The following PARD3B variants were observed in gnomAD, a reference collection of about 807,000 sequenced individuals.
The protein encoded by PARD3B is par-3 family cell polarity regulator beta.
A neutral mutation model predicts 130.2 loss-of-function variants in PARD3B; 103 were observed. That is an observed-to-expected ratio of 0.79 (90% CI 0.67 to 0.93). The LOEUF (loss-of-function observed/expected upper bound fraction) is 0.93, where lower values mean the gene tolerates loss of function less well. Ranked by LOEUF, PARD3B falls within the 40% of genes least tolerant of loss-of-function variation. PARD3B has a pLI of 0.00. For missense variants in PARD3B, 1,609 were observed against 1,499.2 expected (o/e 1.07, Z -1.21); for synonymous variants, 583 against 553.2 (o/e 1.05, Z -0.76).
intron 11 of PARD3B, among the ~76,000 whole-genome samples, chr2:205,161,246 C>T (rs553297499): frequency 6.6e-6 from 1 of 152,266 alleles, no homozygotes; most frequent in East Asian, 1.9e-4. Flanking sequence ...CATCTCCTTA[C>T]CTAAGCAGTT....
intron 18 of PARD3B, among the ~76,000 whole-genome samples, chr2:205,368,787 T>G (rs148533256): frequency 2.2e-3 from 330 of 152,218 alleles, no homozygotes; most frequent in African/African-American, 3.4e-3. Context: ...AGGCATGTCG[T>G]GTCCTCAGGC....
rs546267959 is a variant in PARD3B, at chr2:204,548,140, G to A, written c.120+2021G>A. Among the ~76,000 whole-genome samples, 15 of 151,970 alleles carry A rather than the reference G, an allele frequency of 9.9e-5. No individual in the cohort carries two copies. The South Asian group carries it at 2.5e-3, about 25-fold the overall frequency. On this transcript the variant is annotated intron_variant, in intron 1 of 22. Coordinates refer to ENST00000406610, the MANE Select transcript of PARD3B (RefSeq NM_001302769.2). The stretch of plus-strand genomic sequence containing the variant: ...TATTGTAATCATAACAAGATTTAAC[G>A]AATATTAAATCGTATTCATAATGGC...
chr2:204,850,869 C>T (rs1212818580), intron 2 of PARD3B, among the ~76,000 whole-genome samples: 1 of 152,136 alleles, frequency 6.6e-6, no homozygotes, highest in African/African-American at 2.4e-5. Flanking sequence ...GTATTGGTAG[C>T]TTGATCATTA....
chr2:204,710,690 G>A (rs2038391714), intron 2 of PARD3B, among the ~76,000 whole-genome samples: 1 of 152,198 alleles, frequency 6.6e-6, no homozygotes, highest in Non-Finnish European at 1.5e-5. Flanking sequence ...CTGATTTGAA[G>A]AGTGATTCCA....
intron 3 of PARD3B, among the ~76,000 whole-genome samples, chr2:205,040,821 T>A (rs2125395159): frequency 6.6e-6 from 1 of 152,272 alleles, no homozygotes; most frequent in East Asian, 1.9e-4. Context: ...GTGTGTTTTT[T>A]TTTTCTTCAA....
intron 18 of PARD3B, among the ~76,000 whole-genome samples, chr2:205,387,159 A>G (rs2105965763): frequency 6.6e-6 from 1 of 152,278 alleles, no homozygotes. Context: ...ATGGCATTTT[A>G]TATTTCAAAG....
intron 3 of PARD3B, among the ~76,000 whole-genome samples, chr2:205,002,850 C>T (rs752920913): frequency 1.3e-5 from 2 of 152,200 alleles, no homozygotes; most frequent in Non-Finnish European, 2.9e-5. Flanking sequence ...TCAGTGACTT[C>T]GTATGAATTT....
chr2:204,948,372 T>A (rs1381414029), intron 2 of PARD3B, among the ~76,000 whole-genome samples: 1 of 152,228 alleles, frequency 6.6e-6, no homozygotes, highest in African/African-American at 2.4e-5. Context: ...TTTCTCCCCA[T>A]AAGCTAGAAG....
Position 205,619,136 on chromosome 2 carries a change from T to C in PARD3B, c.*3323T>C, listed in dbSNP as rs1463766461. 6.6e-6 allele frequency: 1 copy of C among 152,076 alleles called. No homozygotes were observed. The highest frequency in any genetic ancestry group is 1.5e-5 in the Non-Finnish European group (1 of 68,016). 9.4% of individuals were successfully genotyped at this position (152,076 alleles called of 1,614,324 possible). ...AATCAAATTAAAACATGACTCATTGTCCCCTCCAAAGATTCATAAAATTCT... is the reference window on the plus strand; with the variant it reads ...AATCAAATTAAAACATGACTCATTGCCCCCTCCAAAGATTCATAAAATTCT... On this transcript the variant is annotated 3_prime_UTR_variant, in exon 23 of 23. Coordinates refer to ENST00000406610, the MANE Select transcript of PARD3B (RefSeq NM_001302769.2).
At chr2:204,558,660 A>G (rs188867038) in intron 1 of PARD3B, among the ~76,000 whole-genome samples, 1 of 152,288 alleles carries the variant, frequency 6.6e-6, no homozygotes, top group East Asian at 1.9e-4. Flanking sequence ...TCAAGCTACC[A>G]ATGACTTTCT....
chr2:205,227,491 A>G (rs534600641), intron 15 of PARD3B, among the ~76,000 whole-genome samples: 2 of 152,262 alleles, frequency 1.3e-5, no homozygotes, highest in African/African-American at 4.8e-5. Flanking sequence ...TGATGGAAAT[A>G]TACCTACTCC....
chr2:204,989,203 G>A (rs1389725125), intron 3 of PARD3B, among the ~76,000 whole-genome samples: 2 of 152,138 alleles, frequency 1.3e-5, no homozygotes, highest in Non-Finnish European at 2.9e-5. Context: ...AAGGAAGTGA[G>A]GGATTGACCA....
chr2:204,775,080 C>A (rs1462923117), intron 2 of PARD3B, among the ~76,000 whole-genome samples: 1 of 152,048 alleles, frequency 6.6e-6, no homozygotes, highest in Non-Finnish European at 1.5e-5. Flanking sequence ...TCTGGATTTC[C>A]ACAAGCCTGA....
intron 22 of PARD3B, among the ~76,000 whole-genome samples, chr2:205,567,221 A>G (rs2053372851): frequency 6.6e-6 from 1 of 151,950 alleles, no homozygotes; most frequent in Admixed American, 6.6e-5. Context: ...ATAGAGAGGA[A>G]GGGAACAGAA....
chr2:204,688,862 G>T (rs2125249031), intron 2 of PARD3B, among the ~76,000 whole-genome samples: 1 of 152,200 alleles, frequency 6.6e-6, no homozygotes, highest in South Asian at 2.1e-4. Context: ...AATAATCTTT[G>T]GCATTTAAAA....
chr2:204,953,237 C>T (rs1056935663), intron 2 of PARD3B, among the ~76,000 whole-genome samples: 7 of 152,004 alleles, frequency 4.6e-5, no homozygotes, highest in African/African-American at 1.7e-4. Flanking sequence ...AATGCTACAA[C>T]ATTTACAAGA....
At chr2:204,688,761 C>T (rs548739307) in intron 2 of PARD3B, among the ~76,000 whole-genome samples, 1 of 152,168 alleles carries the variant, frequency 6.6e-6, no homozygotes, top group East Asian at 1.9e-4. Context: ...TTTGTGGATG[C>T]TTAATGACAT....
Position 205,253,280 on chromosome 2 carries a change from TAAAATGTATTAACACA to T in PARD3B, c.2185+7461_2185+7476del, listed in dbSNP as rs2039935333. On this transcript the variant is annotated intron_variant, in intron 16 of 22. Transcript: ENST00000406610. This position sits in a 1 kb window ranked among gnomAD's most constrained non-coding sequence, Gnocchi z 4.4. ...GACAGGGTAGATAGACACTTAAGAG[TAAAATGTATTAACACA>T]AAGGCTCTGGCCGCCCCCCTACAAA... The T allele has an allele frequency of 2.1e-6, 1 of 480,314 alleles. No individual in the cohort carries two copies. The allele number at this position is 480,314 out of a possible 1,614,324, so 29.8% of individuals were successfully genotyped here.
intron 2 of PARD3B, among the ~76,000 whole-genome samples, chr2:204,922,205 C>A (rs2047707173): frequency 6.6e-6 from 1 of 152,010 alleles, no homozygotes; most frequent in Non-Finnish European, 1.5e-5. Context: ...TAATAGAAAT[C>A]ATGGGAATGG....
Sources: gnomAD v4.1 joint callset for allele counts (sites outside exome capture counted in the v4.1 genomes callset) on GRCh38, gnomAD v4.1.1 for gene constraint, Gnocchi (gnomAD v3.1) non-coding constraint, MANE v1.5 for transcripts, NCBI Gene and HGNC (gene_info 2026-07-23, HGNC 2026-07-21) for gene names.